The following PLB1 variants were observed in gnomAD, a reference collection of about 807,000 sequenced individuals.
PLB1 encodes the protein phospholipase B1, membrane-associated.
PLB1 carries 242 observed loss-of-function variants against 227.4 expected under a neutral mutation model. That is an observed-to-expected ratio of 1.06 (90% confidence interval 0.96 to 1.18). The LOEUF is 1.18. Among genes scored for constraint, PLB1 ranks in the 50% most tolerant of loss-of-function variants. The probability of loss-of-function intolerance (pLI) is 0.00; values close to 1 mark genes in which losing one functional copy is unlikely to be tolerated. For synonymous variants in PLB1, 757 were observed against 682.2 expected, an observed-to-expected ratio of 1.11 and a Z score of -1.71; for missense variants, 1,858 against 1,816.3, an observed-to-expected ratio of 1.02 and a Z score of -0.42.
At chr2:28,527,053 C>A (rs72792976) in intron 6 of PLB1, among the ~76,000 whole-genome samples, 17,403 of 152,190 alleles carry the variant, frequency 0.11, 1,265 homozygotes, top group East Asian at 0.35. Context: ...TGTGCCTAGG[C>A]TTGGCCCTGT....
chr2:28,641,269 G>A (rs1356180634), intron 57 of PLB1, among the ~76,000 whole-genome samples: 3 of 152,124 alleles, frequency 2.0e-5, no homozygotes, highest in East Asian at 1.9e-4. Flanking sequence ...CGGGTGTCTC[G>A]GGTCACCCAT....
At chr2:28,584,683 G>A (rs946344660) in intron 25 of PLB1, among the ~76,000 whole-genome samples, 2 of 152,186 alleles carry the variant, frequency 1.3e-5, no homozygotes, top group African/African-American at 4.8e-5. Context: ...TGCACTCCCC[G>A]CCTCTCCACT....
intron 42 of PLB1, 62 bp downstream of exon 42, chr2:28,606,010 C>CT (rs749258744): frequency 5.4e-5 from 71 of 1,326,194 alleles, no homozygotes; most frequent in Non-Finnish European, 6.8e-5. Flanking sequence ...GCACCAGCCC[C>CT]TATAGAATGG....
chr2:28,569,747 C>T (rs1008868743), intron 20 of PLB1, among the ~76,000 whole-genome samples: 7 of 151,914 alleles, frequency 4.6e-5, no homozygotes, highest in African/African-American at 1.2e-4. Flanking sequence ...AGGCGGATCA[C>T]GAGGTCCAGG....
At chr2:28,541,430 C>T (rs765956378) in intron 12 of PLB1, among the ~76,000 whole-genome samples, 71 of 152,174 alleles carry the variant, frequency 4.7e-4, no homozygotes, top group Non-Finnish European at 9.1e-4. Flanking sequence ...CCCTGCCACA[C>T]GCTGGGCTGT....
chr2:28,569,345 G>A (rs1005419312), intron 20 of PLB1, among the ~76,000 whole-genome samples: 10 of 152,236 alleles, frequency 6.6e-5, no homozygotes, highest in African/African-American at 2.4e-4. Context: ...ATTATATGAG[G>A]CCCTGGGGTA....
chr2:28,526,521 T>C (rs1670286738), intron 6 of PLB1, among the ~76,000 whole-genome samples: 1 of 152,222 alleles, frequency 6.6e-6, no homozygotes. Flanking sequence ...GAATATACTA[T>C]CATAATTTAG....
intron 1 of PLB1, among the ~76,000 whole-genome samples, chr2:28,510,216 G>A (rs887214621): frequency 1.3e-5 from 2 of 152,144 alleles, no homozygotes; most frequent in African/African-American, 4.8e-5. Context: ...TAATCCTCAC[G>A]CAACTCCATG....
rs578148912 is a variant in PLB1 at position 28,560,987 on chromosome 2, G to A, written c.1148-2054G>A. On this transcript the variant is annotated intron_variant, in intron 17 of 57. Coordinates refer to ENST00000327757, the MANE Select transcript of PLB1 (RefSeq NM_153021.5). ...GCTTTTCCCTCCATCACCCGATCTC[G>A]CTCTCCCTCATCCTCCTGTTATTCC... Among the ~76,000 whole-genome samples, 6 of 152,168 alleles carry A rather than the reference G, an allele frequency of 3.9e-5. No homozygotes were observed. The South Asian group carries it at 8.3e-4, about 21-fold the overall frequency.
intron 53 of PLB1, among the ~76,000 whole-genome samples, 159 bp from the exon 54 acceptor site, chr2:28,630,427 T>C (rs1035630618): frequency 6.6e-6 from 1 of 152,164 alleles, no homozygotes; most frequent in African/African-American, 2.4e-5. Context: ...CAAAGGTGTA[T>C]TGTGGGGATA....
intron 18 of PLB1, among the ~76,000 whole-genome samples, chr2:28,564,715 A>C (rs1259079262): frequency 6.6e-6 from 1 of 152,128 alleles, no homozygotes; most frequent in African/African-American, 2.4e-5. Context: ...CTTCACCCCC[A>C]ACTGCCTGGG....
chr2:28,557,354 A>C (rs1675311527), intron 17 of PLB1, among the ~76,000 whole-genome samples: 1 of 152,214 alleles, frequency 6.6e-6, no homozygotes, highest in African/African-American at 2.4e-5. Context: ...ACATCGTTCC[A>C]ATCTTGAGGC....
intron 35 of PLB1, 98 bp downstream of exon 35, chr2:28,598,858 C>A: frequency 9.8e-7 from 1 of 1,015,668 alleles, no homozygotes; most frequent in Non-Finnish European, 1.6e-6. Flanking sequence ...TGCAAAGGGG[C>A]ACTTAGCCAC....
At chr2:28,507,956 A>G (rs775602045) in intron 1 of PLB1, among the ~76,000 whole-genome samples, 7 of 152,216 alleles carry the variant, frequency 4.6e-5, no homozygotes, top group Non-Finnish European at 1.0e-4. Context: ...AGGTTGTGAC[A>G]TTGTTGATCC....
rs1254120611 is a variant in PLB1 at position 28,594,206 on chromosome 2, C to T, written c.2321+452C>T. The T allele has an allele frequency of 4.5e-5, 16 of 357,020 alleles. No homozygotes were observed. The East Asian group carries it at 7.4e-4, about 17-fold the overall frequency. The allele number at this position is 357,020 out of a possible 1,614,324, so 22.1% of individuals were successfully genotyped here. ...TGCACAGAAAACCTCTGAAACCCAT[C>T]GCACACTTCGAGAGGCCATAACCAA... is the stretch of plus-strand genomic sequence containing the variant. On this transcript the variant is annotated intron_variant, in intron 33 of 57. Coordinates refer to ENST00000327757, the MANE Select transcript of PLB1 (RefSeq NM_153021.5).
intron 9 of PLB1, among the ~76,000 whole-genome samples, chr2:28,534,153 A>G (rs116163563): frequency 1.3e-5 from 2 of 152,218 alleles, no homozygotes; most frequent in African/African-American, 4.8e-5. Context: ...GTTGACATAT[A>G]TGGAATGAGT....
At chr2:28,619,521 TTTG>T (rs142926926) in intron 46 of PLB1, among the ~76,000 whole-genome samples, 2,101 of 84,226 alleles carry the variant, frequency 0.025, 43 homozygotes, top group African/African-American at 0.091. Flanking sequence ...ATTTCAAGGT[TTTG>T]TTTTTTTTTT....
intron 1 of PLB1, among the ~76,000 whole-genome samples, chr2:28,511,352 G>A (rs1268245882): frequency 4.6e-5 from 7 of 151,930 alleles, no homozygotes; most frequent in Admixed American, 4.6e-4. Flanking sequence ...TTCTTGTCTA[G>A]AGGGACATAT....
intron 43 of PLB1, 40 bp downstream of exon 43, chr2:28,606,607 A>G (rs1217694311): frequency 1.3e-6 from 2 of 1,578,508 alleles, no homozygotes; most frequent in Non-Finnish European, 1.7e-6. Context: ...TCCACAAACC[A>G]GGGCACACAG....
Sources: gnomAD v4.1 joint callset for allele counts (sites outside exome capture counted in the v4.1 genomes callset) on GRCh38, gnomAD v4.1.1 for gene constraint, MANE v1.5 for transcripts, NCBI Gene and HGNC (gene_info 2026-07-23, HGNC 2026-07-21) for gene names.